CD36: variants seen among roughly 807,000 people sequenced by gnomAD.
CD36 encodes CD36 molecule (CD36 blood group), also known as platelet glycoprotein 4.
A neutral mutation model predicts 55.2 loss-of-function variants in CD36; 119 were observed. The observed-to-expected ratio is 2.15, with a 90% CI of 1.86 to 2.51. The LOEUF (loss-of-function observed/expected upper bound fraction) is 2.51. Among genes scored for constraint, CD36 ranks in the 30% most tolerant of loss-of-function variants. The pLI, the probability that CD36 is intolerant of heterozygous loss-of-function variation, is 0.00. For synonymous variants in CD36, 186 were observed against 193.6 expected, an observed-to-expected ratio of 0.96 and a Z score of 0.33; for missense variants, 819 against 555.5, an observed-to-expected ratio of 1.47 and a Z score of -4.77.
chr7:80,651,204 A>G (rs1196368556), intron 3 of CD36, among the ~76,000 whole-genome samples: 3 of 152,118 alleles, frequency 2.0e-5, no homozygotes, highest in Non-Finnish European at 4.4e-5. Context: ...GTGGATATAA[A>G]GAAGGGAACA....
At chr7:80,666,418 A>G in intron 7 of CD36, 25 bp from the exon 8 acceptor site, 4 of 1,498,056 alleles carry the variant, frequency 2.7e-6, no homozygotes, top group Non-Finnish European at 3.7e-6. Flanking sequence ...AAGAATGTTT[A>G]TTCATTGTCT....
At chr7:80,658,236 T>G (rs1299246678) in intron 4 of CD36, among the ~76,000 whole-genome samples, 1 of 152,150 alleles carries the variant, frequency 6.6e-6, no homozygotes, top group Non-Finnish European at 1.5e-5. Flanking sequence ...TATACAAGTA[T>G]CTTGTTGCAA....
At chr7:80,603,557 C>T (rs868419723) in intron 1 of CD36, among the ~76,000 whole-genome samples, 2 of 152,068 alleles carry the variant, frequency 1.3e-5, no homozygotes, top group Non-Finnish European at 2.9e-5. Context: ...ATATATGAGA[C>T]TTCTGTAATC....
At chr7:80,616,229 C>T (rs1793144093) in intron 1 of CD36, among the ~76,000 whole-genome samples, 3 of 152,098 alleles carry the variant, frequency 2.0e-5, no homozygotes, top group Non-Finnish European at 4.4e-5. Context: ...TATATGTGCT[C>T]AGAACACTTA....
At chr7:80,614,845 C>T (rs866933935) in intron 1 of CD36, among the ~76,000 whole-genome samples, 2 of 152,116 alleles carry the variant, frequency 1.3e-5, no homozygotes. Context: ...TCAACGAATG[C>T]CAATATAAAA....
intron 1 of CD36, among the ~76,000 whole-genome samples, chr7:80,621,712 C>T (rs888642622): frequency 3.3e-5 from 5 of 151,944 alleles, no homozygotes; most frequent in Admixed American, 2.0e-4. Context: ...AGTAACAGGC[C>T]ACTAGTAACA....
chr7:80,651,847 T>G (rs1305944516), intron 3 of CD36, among the ~76,000 whole-genome samples: 1 of 152,182 alleles, frequency 6.6e-6, no homozygotes, highest in Non-Finnish European at 1.5e-5. Context: ...AGGTTGAGGC[T>G]GCAGTGAGCT....
At chr7:80,641,286 C>G (rs1041873074) in intron 1 of CD36, among the ~76,000 whole-genome samples, 2 of 152,006 alleles carry the variant, frequency 1.3e-5, no homozygotes, top group African/African-American at 4.8e-5. Context: ...ATTTCTACTA[C>G]CTTGAATTTG....
At chr7:80,673,493 A>C in intron 13 of CD36, 84 bp downstream of exon 13, 1 of 826,818 alleles carries the variant, frequency 1.2e-6, no homozygotes, top group Non-Finnish European at 2.1e-6. Flanking sequence ...AATGTATAGT[A>C]TTTAAAGCTA....
chr7:80,658,102 C>T (rs926596159), intron 4 of CD36, among the ~76,000 whole-genome samples: 6 of 152,182 alleles, frequency 3.9e-5, no homozygotes, highest in Admixed American at 2.0e-4. Flanking sequence ...AATCGGGTGT[C>T]TCTGTGCGCA....
rs1793338708 is a variant in CD36 at position 80,619,520 on chromosome 7, A to G, written c.-184+17141A>G. ...AAATTAGCCAGGCATGATGGTACAT[A>G]CCTGTAGTCCCAGCTACTCGAGAGG... On this transcript the variant is annotated intron_variant, in intron 1 of 13. Transcript: ENST00000309881. 2.6e-5 allele frequency among the ~76,000 whole-genome samples: 4 copies of G among 152,036 alleles called. No homozygotes were observed. In the Middle Eastern group the frequency reaches 0.01, roughly 388 times the overall value.
intron 3 of CD36, among the ~76,000 whole-genome samples, chr7:80,649,194 T>C (rs1356172960): frequency 1.3e-5 from 2 of 152,118 alleles, no homozygotes; most frequent in Admixed American, 1.3e-4. Context: ...TTTACTCATC[T>C]TACAGGCGCA....
chr7:80,636,626 G>C (rs1338502556), upstream of CD36, among the ~76,000 whole-genome samples: 1 of 151,750 alleles, frequency 6.6e-6, no homozygotes, highest in Non-Finnish European at 1.5e-5. Context: ...TTAATCCAGT[G>C]TTATAGTGGA....
chr7:80,672,135 T>C (rs897893340), intron 11 of CD36, 95 bp downstream of exon 11: 9 of 1,026,600 alleles, frequency 8.8e-6, no homozygotes, highest in African/African-American at 3.2e-5. Context: ...ATTCAATAAA[T>C]AATCATATTT....
At chr7:80,627,947 TG>T (rs1793842521) in intron 1 of CD36, among the ~76,000 whole-genome samples, 1 of 151,994 alleles carries the variant, frequency 6.6e-6, no homozygotes, top group Non-Finnish European at 1.5e-5. Flanking sequence ...TTTTCTAATG[TG>T]GAATAATCAA....
intron 4 of CD36, 114 bp from the exon 5 acceptor site, chr7:80,660,949 A>G (rs756206448): frequency 2.2e-5 from 18 of 812,682 alleles, no homozygotes; most frequent in South Asian, 7.2e-5. Flanking sequence ...CTTACATACT[A>G]TCTATCTGGC....
At chr7:80,641,950 A>T (rs1305974281) in intron 1 of CD36, among the ~76,000 whole-genome samples, 1 of 152,076 alleles carries the variant, frequency 6.6e-6, no homozygotes, top group African/African-American at 2.4e-5. Context: ...ACCAAAAAAA[A>T]AAAAAAGTTA....
intron 5 of CD36, 91 bp from the exon 6 acceptor site, chr7:80,662,899 T>C: frequency 1.9e-6 from 2 of 1,055,882 alleles, no homozygotes; most frequent in Non-Finnish European, 2.9e-6. Flanking sequence ...TTAAAAAGTT[T>C]TGTATTAAGC....
chr7:80,622,087 G>A (rs1793501787), intron 1 of CD36, among the ~76,000 whole-genome samples: 1 of 152,122 alleles, frequency 6.6e-6, no homozygotes, highest in African/African-American at 2.4e-5. Context: ...TTCTGAGTCC[G>A]TAAAAGGCCC....
Sources: gnomAD v4.1 joint callset for allele counts (sites outside exome capture counted in the v4.1 genomes callset) on GRCh38, gnomAD v4.1.1 for gene constraint, MANE v1.5 for transcripts, NCBI Gene and HGNC (gene_info 2026-07-23, HGNC 2026-07-21) for gene names.